The following WNT9B variants were observed in gnomAD, a reference collection of about 807,000 sequenced individuals.
The protein encoded by WNT9B is protein Wnt-9b.
In WNT9B, 12 loss-of-function variants were observed where a neutral mutation model predicts 30.2. The observed-to-expected ratio is 0.40, with a 90% CI of 0.26 to 0.64. The LOEUF is 0.64. WNT9B is among the 30% of genes least tolerant of loss of function. WNT9B has a pLI of 0.42. For synonymous variants in WNT9B, 218 were observed against 216.9 expected (o/e 1.01, Z -0.05); for missense variants, 442 against 485.2 (o/e 0.91, Z 0.84).
intron 1 of WNT9B, among the ~76,000 whole-genome samples, chr17:46,856,954 C>T (rs1163492227): frequency 2.6e-5 from 4 of 152,200 alleles, no homozygotes; most frequent in African/African-American, 4.8e-5. Flanking sequence ...TCCACTTCTC[C>T]GCTTTCAGTC....
chr17:46,876,826 C>A lies in WNT9B; in HGVS notation c.*108C>A. On this transcript the variant is annotated 3_prime_UTR_variant, in exon 4 of 4. Transcript: ENST00000290015. ...ACTGTCATCACATGCATGCATAAACCGGCATGTGTGCCAATGCACACGAGT... is the reference window on the plus strand; with the variant it reads ...ACTGTCATCACATGCATGCATAAACAGGCATGTGTGCCAATGCACACGAGT... 1 of 1,438,840 alleles carries A rather than the reference C, an allele frequency of 7.0e-7. No homozygotes were observed. The highest frequency in any genetic ancestry group is 1.5e-5 in the South Asian group (1 of 65,898). 89.1% of individuals were successfully genotyped at this position (1,438,840 alleles called of 1,614,324 possible).
chr17:46,852,113 C>T (rs1364936663), intron 1 of WNT9B, among the ~76,000 whole-genome samples: 1 of 152,246 alleles, frequency 6.6e-6, no homozygotes, highest in Non-Finnish European at 1.5e-5. Context: ...CCATCCTGGC[C>T]TCCGGCGAGC....
chr17:46,881,604 C>T (rs1309803153), downstream of WNT9B, among the ~76,000 whole-genome samples: 1 of 152,206 alleles, frequency 6.6e-6, no homozygotes, highest in Non-Finnish European at 1.5e-5. Flanking sequence ...TCATCTGAGC[C>T]TTACTTTGTT....
At chr17:46,857,271 C>T (rs1163547020) in intron 1 of WNT9B, among the ~76,000 whole-genome samples, 1 of 151,978 alleles carries the variant, frequency 6.6e-6, no homozygotes, top group Non-Finnish European at 1.5e-5. Context: ...GAGTTCGAGA[C>T]CAGCCTGGCC....
At chr17:46,843,944 A>G (rs748696133) in intron 1 of WNT9B, among the ~76,000 whole-genome samples, 9 of 152,190 alleles carry the variant, frequency 5.9e-5, no homozygotes, top group Non-Finnish European at 1.3e-4. Flanking sequence ...TTATGTATTC[A>G]TACTTTATTA....
intron 3 of WNT9B, 133 bp downstream of exon 3, chr17:46,875,499 C>T (rs2146609501): frequency 2.4e-6 from 3 of 1,235,052 alleles, no homozygotes; most frequent in Non-Finnish European, 3.3e-6. Flanking sequence ...GCAGGATGAA[C>T]TTCACGTCTT....
intron 1 of WNT9B, among the ~76,000 whole-genome samples, chr17:46,862,809 C>G (rs991043432): frequency 3.9e-5 from 6 of 152,206 alleles, no homozygotes; most frequent in African/African-American, 1.4e-4. Context: ...GTCTCAAACT[C>G]CTGATCTCAA....
At chr17:46,849,306 T>C (rs142574301), upstream of WNT9B, among the ~76,000 whole-genome samples, 695 of 152,352 alleles carry the variant, frequency 4.6e-3, 10 homozygotes, top group African/African-American at 0.016. Flanking sequence ...GTAACTTTCA[T>C]GAAATTTTGA....
chr17:46,867,167 C>A lies in WNT9B; in HGVS notation c.78-5350C>A, dbSNP rs142123041. On this transcript the variant is annotated intron_variant, in intron 1 of 3. Transcript: ENST00000290015. Reference sequence around the variant, plus strand: ...GAGTCTGGAGGACTCCTGAGTCCAACCAACTTCCTTCCAGACTGTGAGCTT... The same window carrying A: ...GAGTCTGGAGGACTCCTGAGTCCAAACAACTTCCTTCCAGACTGTGAGCTT... Among the ~76,000 whole-genome samples, 8 of 152,368 alleles carry A rather than the reference C, an allele frequency of 5.3e-5. No homozygotes were observed. The East Asian group carries it at 1.5e-3, about 29-fold the overall frequency.
At chr17:46,849,318 A>G (rs1441070469), upstream of WNT9B, among the ~76,000 whole-genome samples, 1 of 152,194 alleles carries the variant, frequency 6.6e-6, no homozygotes, top group South Asian at 2.1e-4. Context: ...AAATTTTGAA[A>G]AGGTGTCACT....
chr17:46,858,875 C>T (rs146815291), intron 1 of WNT9B, among the ~76,000 whole-genome samples: 3,730 of 151,958 alleles, frequency 0.025, 154 homozygotes, highest in African/African-American at 0.086. Flanking sequence ...CTATGTTGCT[C>T]AGGCTGGTCT....
At chr17:46,843,377 C>T (rs1409265210) in intron 1 of WNT9B, among the ~76,000 whole-genome samples, 1 of 151,994 alleles carries the variant, frequency 6.6e-6, no homozygotes, top group South Asian at 2.1e-4. Flanking sequence ...TCCTTTCAAA[C>T]GTTTGTGTGA....
intron 1 of WNT9B, among the ~76,000 whole-genome samples, chr17:46,843,215 G>A (rs1385675310): frequency 6.6e-6 from 1 of 152,240 alleles, no homozygotes; most frequent in Non-Finnish European, 1.5e-5. Flanking sequence ...AGATTGGAAA[G>A]GCTTAACTAG....
At chr17:46,845,781 C>T (rs141838522) in intron 1 of WNT9B, among the ~76,000 whole-genome samples, 2 of 129,864 alleles carry the variant, frequency 1.5e-5, no homozygotes, top group African/African-American at 3.0e-5. Context: ...AGCCACTGTG[C>T]TGGCTTTTTT....
In WNT9B at chr17:46,872,729, G is replaced by A. The variant is rs201223229; in HGVS notation, c.290G>A (p.Arg97His). The change falls in exon 2 of 4, where the codon CGC (arginine) becomes CAC (histidine). Residue 97 changes from arginine (R) to histidine (H), a missense_variant. Physicochemically the swap from Arg to His is conservative, Grantham distance 29 (BLOSUM62 0). Coordinates refer to ENST00000290015, the MANE Select transcript of WNT9B (RefSeq NM_003396.3). The part of the protein sequence containing the change: ...LECQFQFRHE[R>H]WNCSLEGRMG... Reference sequence around the variant, plus strand: ...TGCCAGTTTCAGTTCCGGCATGAGCGCTGGAACTGTAGCCTGGAGGGCAGG... The same window carrying A: ...TGCCAGTTTCAGTTCCGGCATGAGCACTGGAACTGTAGCCTGGAGGGCAGG... The A allele has an allele frequency of 1.6e-4, 250 of 1,612,600 alleles. 1 individual carries two copies. In the South Asian group the frequency reaches 2.4e-3, roughly 15 times the overall value.
chr17:46,841,572 G>T lies in WNT9B; in HGVS notation c.95+8132G>T, dbSNP rs940620409. ...CGGGTTAAGGTGGGGGCGTGGGGAC[G>T]CCCTGACGCAACAGGGCTTCGGAGA... is the stretch of plus-strand genomic sequence containing the variant. On this transcript the variant is annotated intron_variant, in intron 1 of 2. Coordinates refer to the WNT9B transcript ENST00000575372. 3.9e-5 allele frequency among the ~76,000 whole-genome samples: 6 copies of T among 152,208 alleles called. No individual in the cohort carries two copies. In the East Asian group the frequency reaches 5.8e-4, roughly 15 times the overall value.
intron 1 of WNT9B, among the ~76,000 whole-genome samples, chr17:46,840,749 C>G (rs1242021263): frequency 1.3e-5 from 2 of 152,196 alleles, no homozygotes; most frequent in Admixed American, 6.5e-5. Flanking sequence ...TCTCTGATGA[C>G]CAGTGATGAT....
chr17:46,883,897 C>T (rs1261036058), downstream of WNT9B, among the ~76,000 whole-genome samples: 2 of 152,324 alleles, frequency 1.3e-5, no homozygotes, highest in East Asian at 3.9e-4. Flanking sequence ...CTCCTCAAGT[C>T]CCCAGGGGCT....
At chr17:46,872,802 G>A (rs1475492015) in intron 2 of WNT9B, 29 bp downstream of exon 2, 2 of 1,438,402 alleles carry the variant, frequency 1.4e-6, no homozygotes, top group East Asian at 4.6e-5. Flanking sequence ...GGACGGGGAG[G>A]GCTGGGGGAA....
Sources: gnomAD v4.1 joint callset for allele counts (sites outside exome capture counted in the v4.1 genomes callset) on GRCh38, gnomAD v4.1.1 for gene constraint, MANE v1.5 for transcripts, NCBI Gene and HGNC (gene_info 2026-07-23, HGNC 2026-07-21) for gene names.